The following SIRT1 variants were observed in gnomAD, a reference collection of about 807,000 sequenced individuals.
SIRT1 encodes NAD-dependent protein deacetylase sirtuin-1.
A neutral mutation model predicts 67.9 loss-of-function variants in SIRT1; 24 were observed. The ratio of observed to expected loss-of-function variants is 0.35; its 90% CI spans 0.26 to 0.50. The LOEUF (loss-of-function observed/expected upper bound fraction) is 0.50, where lower values mean the gene tolerates loss of function less well. SIRT1 is among the 20% of genes least tolerant of loss of function. SIRT1 has a pLI of 0.98. For synonymous variants in SIRT1, 378 were observed against 350.7 expected, an observed-to-expected ratio of 1.08 and a Z score of -0.87; for missense variants, 873 against 937.2, an observed-to-expected ratio of 0.93 and a Z score of 0.89.
intron 5 of SIRT1, among the ~76,000 whole-genome samples, chr10:67,907,536 G>C (rs1842839831): frequency 6.6e-6 from 1 of 150,574 alleles, no homozygotes; most frequent in Non-Finnish European, 1.5e-5. Flanking sequence ...TACAAGAGTA[G>C]TATTAGCTGT....
At chr10:67,901,975 A>G (rs576868057) in intron 4 of SIRT1, among the ~76,000 whole-genome samples, 3 of 142,062 alleles carry the variant, frequency 2.1e-5, no homozygotes, top group African/African-American at 7.6e-5. Flanking sequence ...TTTCAGGTAT[A>G]CAATATTTGT....
At chr10:67,889,812 AGTTT>A (rs774176109) in intron 3 of SIRT1, among the ~76,000 whole-genome samples, 34 of 152,186 alleles carry the variant, frequency 2.2e-4, no homozygotes, top group Admixed American at 4.6e-4. Flanking sequence ...GATGTAGACA[AGTTT>A]GTTTAACTTA....
intron 4 of SIRT1, among the ~76,000 whole-genome samples, chr10:67,903,515 G>A (rs570761119): frequency 1.3e-5 from 2 of 151,254 alleles, no homozygotes; most frequent in African/African-American, 4.9e-5. Flanking sequence ...CTCCCGAGTA[G>A]TGGGACTACA....
chr10:67,907,261 G>C (rs950698107), intron 5 of SIRT1, among the ~76,000 whole-genome samples: 2 of 152,116 alleles, frequency 1.3e-5, no homozygotes, highest in African/African-American at 4.8e-5. Context: ...TTGGGAAGCC[G>C]AGGCGGGCAG....
intron 1 of SIRT1, 97 bp downstream of exon 1, chr10:67,885,248 A>C: frequency 2.4e-6 from 3 of 1,253,934 alleles, no homozygotes; most frequent in Non-Finnish European, 3.0e-6. Flanking sequence ...GGCTCGGGGC[A>C]GGCTCCGCGG....
chr10:67,900,469 G>T (rs1023300619), intron 4 of SIRT1, among the ~76,000 whole-genome samples: 2 of 151,544 alleles, frequency 1.3e-5, no homozygotes, highest in African/African-American at 4.8e-5. Flanking sequence ...TTGAGACGGG[G>T]TCTCCTTCTG....
chr10:67,915,785 T>TC (rs1418278369), intron 8 of SIRT1, among the ~76,000 whole-genome samples: 1 of 152,248 alleles, frequency 6.6e-6, no homozygotes, highest in African/African-American at 2.4e-5. Context: ...TACTTCATTT[T>TC]CATCAAATCT....
In SIRT1 at chr10:67,913,143, G is replaced by T. The variant is rs1235097094; in HGVS notation, c.1915+112G>T. The T allele has an allele frequency of 4.7e-6, 5 of 1,073,114 alleles. No homozygotes were observed. In the East Asian group the frequency reaches 1.3e-4, roughly 27 times the overall value. The allele number at this position is 1,073,114 out of a possible 1,614,324, so 66.5% of individuals were successfully genotyped here. Reference sequence around the variant, plus strand: ...AGGGTAGCTTTATGTAGTTGATTCTGTTTAGAGAAACTGTACAGTTCGTAA... The same window carrying T: ...AGGGTAGCTTTATGTAGTTGATTCTTTTTAGAGAAACTGTACAGTTCGTAA... On this transcript the variant is annotated intron_variant, in intron 8 of 8. Coordinates refer to ENST00000212015, the MANE Select transcript of SIRT1 (RefSeq NM_012238.5).
intron 7 of SIRT1, 58 bp from the exon 8 acceptor site, chr10:67,912,416 T>G: frequency 6.8e-7 from 1 of 1,464,838 alleles, no homozygotes; most frequent in Non-Finnish European, 9.2e-7. Context: ...TCTGTTGTGG[T>G]TTTATTAGCT....
At chr10:67,886,739 G>A (rs1317850710) in intron 1 of SIRT1, among the ~76,000 whole-genome samples, 1 of 151,932 alleles carries the variant, frequency 6.6e-6, no homozygotes, top group Non-Finnish European at 1.5e-5. Context: ...TAAGTTTAAC[G>A]TGCGCATTGC....
In SIRT1 at chr10:67,897,699, T is replaced by C. The variant is rs184600130; in HGVS notation, c.942+6145T>C. On this transcript the variant is annotated intron_variant, in intron 4 of 8. Coordinates refer to ENST00000212015, the MANE Select transcript of SIRT1 (RefSeq NM_012238.5). The stretch of plus-strand genomic sequence containing the variant: ...TTTTAGTAGAGATGGGGTTTCATCA[T>C]GTTGGCCACGCTGGTCTCGAACTCC... Among the ~76,000 whole-genome samples the C allele has an allele frequency of 1.1e-3, 171 of 152,066 alleles. 3 individuals carry two copies. Among genetic ancestry groups the C allele is most frequent in the Admixed American group, 0.011 (162 of 15,264 alleles).
chr10:67,891,648 T>G (rs1031429230), intron 4 of SIRT1, 94 bp downstream of exon 4: 2 of 1,265,614 alleles, frequency 1.6e-6, no homozygotes, highest in Non-Finnish European at 1.1e-6. Context: ...GTTCATTGTT[T>G]AGTAAAGTGA....
chr10:67,904,684 A>G (rs1299516027), intron 4 of SIRT1, among the ~76,000 whole-genome samples: 1 of 152,040 alleles, frequency 6.6e-6, no homozygotes, highest in East Asian at 1.9e-4. Flanking sequence ...CGTCTCTACT[A>G]AAAATACAAA....
rs1262065759 is a variant in SIRT1, at chr10:67,917,722, CATG to C, written c.*1136_*1138del. 7 of 152,578 alleles carry C rather than the reference CATG, an allele frequency of 4.6e-5. No individual in the cohort carries two copies. Among genetic ancestry groups the C allele is most frequent in the African/African-American group, 7.2e-5 (3 of 41,440 alleles). The allele number at this position is 152,578 out of a possible 1,614,324, so 9.5% of individuals were successfully genotyped here. A position where few individuals can be genotyped will look rare whatever the true frequency, so the allele number is the denominator to read the frequency against. ...CTAGCCCTAGTATTATGGAGATGAA[CATG>C]ATGATGTAACTTGTAATAGCAGAAT... is the stretch of plus-strand genomic sequence containing the variant. On this transcript the variant is annotated 3_prime_UTR_variant, in exon 9 of 9. Transcript: ENST00000212015.
rs920003355 is a variant in SIRT1, at chr10:67,884,804, C to G, written c.83C>G (p.Pro28Arg). Residue 28 changes from proline (P) to arginine (R), a missense_variant, in exon 1 of 9, where the codon CCC (proline) becomes CGC (arginine). Transcript: ENST00000212015. Reference protein sequence around the residue: ...AGADREAASSPAGEPLRKRPR... With the variant: ...AGADREAASSRAGEPLRKRPR... ...GCCGACAGGGAGGCCGCGTCGTCCC[C>G]CGCCGGGGAGCCGCTCCGCAAGAGG... The G allele has an allele frequency of 2.4e-6, 3 of 1,226,034 alleles. No homozygotes were observed. Among genetic ancestry groups the G allele is most frequent in the African/African-American group, 3.1e-5 (2 of 64,024 alleles). 75.9% of individuals were successfully genotyped at this position (1,226,034 alleles called of 1,614,324 possible). A position where few individuals can be genotyped will look rare whatever the true frequency, so the allele number is the denominator to read the frequency against.
chr10:67,908,411 C>T (rs1223366291), intron 6 of SIRT1, among the ~76,000 whole-genome samples: 1 of 152,130 alleles, frequency 6.6e-6, no homozygotes, highest in East Asian at 1.9e-4. Context: ...AGTTTTTCTC[C>T]TTCCTCTCCC....
intron 4 of SIRT1, among the ~76,000 whole-genome samples, chr10:67,894,943 G>A (rs1051609261): frequency 2.6e-5 from 4 of 152,066 alleles, no homozygotes; most frequent in African/African-American, 4.8e-5. Flanking sequence ...TGATCCGCCC[G>A]TTTCAGCCTC....
Position 67,916,711 on chromosome 10 carries a change from A to G in SIRT1, c.*118A>G, listed in dbSNP as rs937170523. On this transcript the variant is annotated 3_prime_UTR_variant, in exon 9 of 9. Transcript: ENST00000212015. ...AGGAAACCAGAAAGGTGTAATATTTATAGGTTGGTAAAATAGATTGTTTTT... is the reference window on the plus strand; with the variant it reads ...AGGAAACCAGAAAGGTGTAATATTTGTAGGTTGGTAAAATAGATTGTTTTT... The G allele has an allele frequency of 1.3e-5, 9 of 712,124 alleles. No individual in the cohort carries two copies. Among genetic ancestry groups the G allele is most frequent in the Non-Finnish European group, 1.9e-5 (9 of 462,210 alleles). 44.1% of individuals were successfully genotyped at this position (712,124 alleles called of 1,614,324 possible).
intron 8 of SIRT1, 149 bp downstream of exon 8, chr10:67,913,180 A>G (rs1842924870): frequency 3.8e-6 from 3 of 784,916 alleles, no homozygotes; most frequent in African/African-American, 3.5e-5. Context: ...CAGAAAGGTA[A>G]ATCTTCTGGT....
Sources: gnomAD v4.1 joint callset for allele counts (sites outside exome capture counted in the v4.1 genomes callset) on GRCh38, gnomAD v4.1.1 for gene constraint, MANE v1.5 for transcripts, NCBI Gene and HGNC (gene_info 2026-07-23, HGNC 2026-07-21) for gene names.